RBFOX2: variants seen among roughly 807,000 people sequenced by gnomAD.
The protein encoded by RBFOX2 is RNA binding fox-1 homolog 2, also known as RNA binding protein fox-1 homolog 2.
RBFOX2 carries 10 observed loss-of-function variants against 49.1 expected under a neutral mutation model. The ratio of observed to expected loss-of-function variants is 0.20; its 90% CI spans 0.13 to 0.35. The LOEUF (loss-of-function observed/expected upper bound fraction) is 0.35. Among genes scored for constraint, RBFOX2 ranks in the 10% least tolerant of loss-of-function variants. The probability of loss-of-function intolerance (pLI) is 1.00; values close to 1 mark genes in which losing one functional copy is unlikely to be tolerated. For missense variants in RBFOX2, 323 were observed against 486.9 expected, an observed-to-expected ratio of 0.66 and a Z score of 3.17; for synonymous variants, 183 against 187.4, an observed-to-expected ratio of 0.98 and a Z score of 0.19.
chr22:35,791,163 T>C (rs1409510904), intron 2 of RBFOX2, among the ~76,000 whole-genome samples: 1 of 152,038 alleles, frequency 6.6e-6, no homozygotes, highest in African/African-American at 2.4e-5. Flanking sequence ...GGTGGGTGGA[T>C]TACCTGAGGT....
chr22:35,986,929 T>A lies in RBFOX2; in HGVS notation c.186+41311A>T, dbSNP rs992489392. Reference sequence around the variant, plus strand: ...CAGTCACCATAAACTCTTACTTCACTGGAAAATAGAGTTTTGTATAAAGAT... The same window carrying A: ...CAGTCACCATAAACTCTTACTTCACAGGAAAATAGAGTTTTGTATAAAGAT... On this transcript the variant is annotated intron_variant, in intron 1 of 13. Transcript: ENST00000438146. Among the ~76,000 whole-genome samples, 29 of 151,508 alleles carry A rather than the reference T, an allele frequency of 1.9e-4. 2 individuals carry two copies.
chr22:35,913,503 G>GTA (rs1340496149), intron 1 of RBFOX2, among the ~76,000 whole-genome samples: 2 of 147,218 alleles, frequency 1.4e-5, no homozygotes, highest in African/African-American at 5.1e-5. Context: ...GTGTGTGTGT[G>GTA]TGTATACATA....
At chr22:35,885,147 A>T (rs1046852939) in intron 1 of RBFOX2, among the ~76,000 whole-genome samples, 11 of 152,336 alleles carry the variant, frequency 7.2e-5, no homozygotes, top group African/African-American at 2.6e-4. Flanking sequence ...ACACAAAAAT[A>T]AAAATAAATA....
chr22:35,752,894 C>G (rs1409145896), intron 9 of RBFOX2, among the ~76,000 whole-genome samples: 1 of 152,140 alleles, frequency 6.6e-6, no homozygotes, highest in East Asian at 1.9e-4. Context: ...ATCTAGCTGC[C>G]ACACTCCCAA....
intron 1 of RBFOX2, among the ~76,000 whole-genome samples, chr22:35,896,073 C>A (rs5750193): frequency 0.078 from 11,897 of 152,188 alleles, 490 homozygotes; most frequent in South Asian, 0.089. Flanking sequence ...TCCCCGACCC[C>A]TTTCTCCATG....
At chr22:35,765,735 C>T (rs1334808948) in intron 5 of RBFOX2, among the ~76,000 whole-genome samples, 1 of 152,002 alleles carries the variant, frequency 6.6e-6, no homozygotes, top group Non-Finnish European at 1.5e-5. Flanking sequence ...AATACATTTG[C>T]AAGATCTTTG....
chr22:35,754,896 C>T (rs1306144436), intron 9 of RBFOX2, among the ~76,000 whole-genome samples: 1 of 152,142 alleles, frequency 6.6e-6, no homozygotes, highest in Non-Finnish European at 1.5e-5. Flanking sequence ...GCTGAGGTTC[C>T]TTCAAGTAGT....
chr22:35,789,508 A>G (rs1245798622), intron 2 of RBFOX2, among the ~76,000 whole-genome samples: 2 of 152,102 alleles, frequency 1.3e-5, no homozygotes, highest in African/African-American at 2.4e-5. Context: ...GCACCATTGC[A>G]CTCTAGCCTA....
At position 35,967,020 on chromosome 22, in the gene RBFOX2, T is replaced by C. The variant is rs191669257; in HGVS notation, c.187-28123A>G. On this transcript the variant is annotated intron_variant, in intron 1 of 13. Coordinates refer to the RBFOX2 transcript ENST00000438146. ...AAATTGTAGAGATGAGGTCTTACTA[T>C]GTTGTTGCCCAGGCTGATCTTTAAC... Among the ~76,000 whole-genome samples the C allele has an allele frequency of 3.0e-3, 453 of 151,966 alleles. 1 individual carries two copies. In the Middle Eastern group the frequency reaches 0.034, roughly 11 times the overall value.
upstream of RBFOX2, chr22:35,939,332 G>C (rs1026410138): frequency 4.1e-5 from 18 of 435,270 alleles, 1 homozygote; most frequent in African/African-American, 3.2e-4. Flanking sequence ...GGATGGAAAG[G>C]GGACAAGTAC....
chr22:35,900,815 A>G (rs1382148320), intron 1 of RBFOX2, among the ~76,000 whole-genome samples: 1 of 152,176 alleles, frequency 6.6e-6, no homozygotes, highest in African/African-American at 2.4e-5. Context: ...ATATGATAAC[A>G]AAAGCCCCAG....
upstream of RBFOX2, among the ~76,000 whole-genome samples, chr22:35,845,436 G>A (rs984998290): frequency 7.4e-5 from 11 of 149,190 alleles, no homozygotes; most frequent in Non-Finnish European, 7.4e-5. Context: ...GAAATCAAAT[G>A]CTTTAGATCT....
chr22:35,741,976 A>C (rs1930183034), exon 12 of RBFOX2: 1 of 152,270 alleles, frequency 6.6e-6, no homozygotes, highest in African/African-American at 2.4e-5. Flanking sequence ...CATGACCCCA[A>C]ACTTCTGTTT....
rs189478099 is a variant in RBFOX2, at chr22:35,918,938, C to T, written c.-34+19909G>A. 1.6e-4 allele frequency among the ~76,000 whole-genome samples: 25 copies of T among 152,246 alleles called. No individual in the cohort carries two copies. In the East Asian group the frequency reaches 4.1e-3, roughly 25 times the overall value. On this transcript the variant is annotated intron_variant, in intron 1 of 13. Coordinates refer to the RBFOX2 transcript ENST00000359369. ...AGGAAAATAATCCTATTTATTGTCT[C>T]AGTCTCTTCACCTTTCTTTTCCCAA...
At position 35,762,567 on chromosome 22, in the gene RBFOX2, C is replaced by T. The variant is rs914973282; in HGVS notation, c.608-1099G>A. 5.7e-5 allele frequency among the ~76,000 whole-genome samples: 8 copies of T among 140,574 alleles called. No homozygotes were observed. In the South Asian group the frequency reaches 1.6e-3, roughly 27 times the overall value. 92.2% of individuals were successfully genotyped at this position (140,574 alleles called of 152,430 possible). ...TGTCACCCAGGCTGGAGTGCAGTGG[C>T]GCAGTTTCGGCTCACCACAACCTCG... On this transcript the variant is annotated intron_variant, in intron 6 of 11. Transcript: ENST00000405409.
intron 1 of RBFOX2, among the ~76,000 whole-genome samples, chr22:35,910,876 G>C (rs1336052160): frequency 2.0e-5 from 3 of 152,156 alleles, no homozygotes; most frequent in Non-Finnish European, 4.4e-5. Context: ...CTTAAAATTA[G>C]TACATGCCAA....
At chr22:35,814,742 G>GAAAAGAAA (rs1952664923) in intron 1 of RBFOX2, among the ~76,000 whole-genome samples, 1 of 118,690 alleles carries the variant, frequency 8.4e-6, no homozygotes, top group African/African-American at 3.3e-5. Context: ...AAAAAGAAAA[G>GAAAAGAAA]AAAAGAAAAA....
intron 9 of RBFOX2, among the ~76,000 whole-genome samples, chr22:35,753,979 C>G (rs755618766): frequency 1.2e-4 from 18 of 150,816 alleles, no homozygotes; most frequent in African/African-American, 4.4e-4. Context: ...GATGGGGTTT[C>G]GCCATCTTGG....
At chr22:35,742,852 TTA>T (rs1930632705) in exon 12 of RBFOX2, 1 of 152,578 alleles carries the variant, frequency 6.6e-6, no homozygotes, top group Non-Finnish European at 1.5e-5. Context: ...CCTCTGCATT[TTA>T]TGTCCTGTAG....
Sources: allele counts gnomAD v4.1 joint callset (sites outside exome capture counted in the v4.1 genomes callset), GRCh38; gene constraint gnomAD v4.1.1; transcripts MANE v1.5; gene names NCBI Gene and HGNC (gene_info 2026-07-23, HGNC 2026-07-21).